Variants in EDA observed in about 807,000 individuals in gnomAD.
The protein encoded by EDA is ectodysplasin-A.
In EDA, 2 loss-of-function variants were observed where a neutral mutation model predicts 23.6. The ratio of observed to expected loss-of-function variants is 0.08; its 90% CI spans 0.03 to 0.27. EDA has a LOEUF of 0.27. EDA is among the 10% of genes least tolerant of loss of function. EDA has a pLI of 1.00. For synonymous variants in EDA, 131 were observed against 132.0 expected (o/e 0.99, Z 0.05); for missense variants, 229 against 324.2 (o/e 0.71, Z 2.26).
At chrX:69,949,811 T>A (rs1396808249) in intron 1 of EDA, among the ~76,000 whole-genome samples, 1 of 111,840 alleles carries the variant, frequency 8.9e-6, no homozygotes, top group African/African-American at 3.3e-5. Context: ...GCTCCTACCT[T>A]GTGAATGGGT....
At chrX:69,800,559 G>T (rs911840289) in intron 1 of EDA, among the ~76,000 whole-genome samples, 1 of 110,864 alleles carries the variant, frequency 9.0e-6, no homozygotes, top group African/African-American at 3.3e-5. Context: ...ATTAGCCTAG[G>T]CATGGAACAA....
intron 1 of EDA, among the ~76,000 whole-genome samples, chrX:69,827,210 G>A (rs981858708): frequency 1.8e-4 from 20 of 111,426 alleles, no homozygotes; most frequent in African/African-American, 6.5e-4. Flanking sequence ...GTATCTTTGT[G>A]GCATTCTCTG....
intron 2 of EDA, among the ~76,000 whole-genome samples, chrX:70,006,712 G>C (rs1324904422): frequency 9.0e-6 from 1 of 111,425 alleles, no homozygotes; most frequent in Non-Finnish European, 1.9e-5. Context: ...TTTTCTCCCA[G>C]TCTGTGGCTT....
chrX:69,817,945 T>C (rs1265681360), intron 1 of EDA, among the ~76,000 whole-genome samples: 1 of 111,902 alleles, frequency 8.9e-6, no homozygotes, highest in African/African-American at 3.2e-5. Flanking sequence ...CACATTGTAC[T>C]TACTCTAAAA....
At chrX:69,620,521 A>G in intron 1 of EDA, 1 of 147,818 alleles carries the variant, frequency 6.8e-6, no homozygotes, top group Non-Finnish European at 1.3e-5. Context: ...CACAATGAAT[A>G]AATCCAAGGA....
intron 1 of EDA, among the ~76,000 whole-genome samples, chrX:69,798,292 A>C (rs2015590940): frequency 8.9e-6 from 1 of 111,786 alleles, no homozygotes; most frequent in Admixed American, 9.5e-5. Context: ...CATTGGATTT[A>C]AACTGAACTC....
intron 6 of EDA, 81 bp downstream of exon 6, chrX:70,030,601 A>C: frequency 4.4e-6 from 4 of 902,527 alleles, no homozygotes; most frequent in Non-Finnish European, 6.3e-6. Context: ...CACCCAGCCT[A>C]GTTCCTCCCA....
At chrX:69,964,974 G>C (rs1569387619) in intron 2 of EDA, among the ~76,000 whole-genome samples, 1 of 111,784 alleles carries the variant, frequency 8.9e-6, no homozygotes, top group Non-Finnish European at 1.9e-5. Flanking sequence ...CACCCTTCCA[G>C]ACACTAAGGG....
intron 1 of EDA, among the ~76,000 whole-genome samples, chrX:69,790,859 T>C (rs1184554360): frequency 6.7e-5 from 7 of 104,684 alleles, no homozygotes; most frequent in Non-Finnish European, 1.2e-4. Flanking sequence ...TTTTTTTTGG[T>C]CACTTAACAA....
At chrX:69,944,898 C>T (rs971786236) in intron 1 of EDA, among the ~76,000 whole-genome samples, 5 of 112,015 alleles carry the variant, frequency 4.5e-5, no homozygotes, top group African/African-American at 6.5e-5. Context: ...TGGTCTAATG[C>T]TCCTTCCATG....
intron 1 of EDA, among the ~76,000 whole-genome samples, chrX:69,839,904 A>G (rs1355168056): frequency 8.9e-6 from 1 of 112,575 alleles, no homozygotes; most frequent in African/African-American, 3.2e-5. Flanking sequence ...CTGCTGCAGT[A>G]TATTAACAAG....
At chrX:69,812,668 C>G (rs5980855) in intron 1 of EDA, among the ~76,000 whole-genome samples, 47,194 of 110,113 alleles carry the variant, frequency 0.43, 7,969 homozygotes, top group East Asian at 0.73. Flanking sequence ...TGCAGGTGGT[C>G]CTGGGAATAA....
chrX:69,619,651 G>T (rs1932102827), intron 1 of EDA, among the ~76,000 whole-genome samples: 1 of 111,959 alleles, frequency 8.9e-6, no homozygotes, highest in Non-Finnish European at 1.9e-5. Context: ...CAACCAAGTA[G>T]CTGAGATTTG....
intron 1 of EDA, among the ~76,000 whole-genome samples, chrX:69,723,503 G>A (rs1204549624): frequency 8.9e-6 from 1 of 111,943 alleles, no homozygotes; most frequent in Non-Finnish European, 1.9e-5. Flanking sequence ...ATTTTGTATA[G>A]TGCCCAACCC....
intron 2 of EDA, among the ~76,000 whole-genome samples, chrX:70,000,484 T>C (rs920918013): frequency 8.9e-6 from 1 of 112,516 alleles, no homozygotes; most frequent in Non-Finnish European, 1.9e-5. Flanking sequence ...AAGAACTTTC[T>C]ACAGGCAGTT....
chrX:69,776,158 T>C (rs2014775047), intron 1 of EDA, among the ~76,000 whole-genome samples: 1 of 112,226 alleles, frequency 8.9e-6, no homozygotes, highest in African/African-American at 3.2e-5. Context: ...CTATAACTGA[T>C]TCTTACATGA....
chrX:69,751,651 T>C (rs1403309006), intron 1 of EDA, among the ~76,000 whole-genome samples: 1 of 112,166 alleles, frequency 8.9e-6, no homozygotes, highest in Admixed American at 9.4e-5. Context: ...ATTCTTCCTA[T>C]CCATGAGCAT....
At chrX:69,624,589 T>C (rs1932307661) in intron 1 of EDA, among the ~76,000 whole-genome samples, 1 of 111,584 alleles carries the variant, frequency 9.0e-6, no homozygotes, top group Admixed American at 9.5e-5. Flanking sequence ...TCACATCTCC[T>C]TAATTCAATA....
intron 1 of EDA, among the ~76,000 whole-genome samples, chrX:69,832,845 G>A (rs1268092765): frequency 1.8e-5 from 2 of 111,419 alleles, no homozygotes; most frequent in Non-Finnish European, 3.8e-5. Context: ...CTGTTTGTCT[G>A]TTATTGGTGT....
Sources: allele counts gnomAD v4.1 joint callset (sites outside exome capture counted in the v4.1 genomes callset), GRCh38; gene constraint gnomAD v4.1.1; transcripts MANE v1.5; gene names NCBI Gene and HGNC (gene_info 2026-07-23, HGNC 2026-07-21).